Variants in HERC1 observed in about 807,000 individuals in gnomAD.
HERC1 encodes HECT and RLD domain containing E3 ubiquitin protein ligase family member 1, also known as probable E3 ubiquitin-protein ligase HERC1.
HERC1 carries 160 observed loss-of-function variants against 554.3 expected under a neutral mutation model. The observed-to-expected ratio is 0.29, with a 90% confidence interval of 0.25 to 0.33. The LOEUF is 0.33. Among genes scored for constraint, HERC1 ranks in the 10% least tolerant of loss-of-function variants. The pLI is 1.00. For missense variants in HERC1, 4,919 were observed against 5,918.5 expected, an observed-to-expected ratio of 0.83 and a Z score of 5.54; for synonymous variants, 2,175 against 2,131.7, an observed-to-expected ratio of 1.02 and a Z score of -0.56.
chr15:63,757,999 C>T (rs1032695313), intron 4 of HERC1, among the ~76,000 whole-genome samples, 176 bp downstream of exon 4: 10 of 152,108 alleles, frequency 6.6e-5, no homozygotes, highest in African/African-American at 2.2e-4. Context: ...TGAGCCACTG[C>T]GCCCAGCAAA....
chr15:63,755,467 T>C, intron 5 of HERC1, 142 bp from the exon 6 acceptor site: 1 of 690,468 alleles, frequency 1.4e-6, no homozygotes, highest in Admixed American at 2.2e-5. Context: ...GGAGGCTGTG[T>C]TCAGGCCAAG....
At position 63,638,401 on chromosome 15, in the gene HERC1, T is replaced by A. The variant is rs368034502; in HGVS notation, c.12093+10A>T. Reference sequence around the variant, plus strand: ...CATGTTTCTTTTCTATTTTTTATCCTGTTAGTTACCTGTTGGGCCTGTGAG... The same window carrying A: ...CATGTTTCTTTTCTATTTTTTATCCAGTTAGTTACCTGTTGGGCCTGTGAG... On this transcript the variant is annotated intron_variant, in intron 63 of 77. Transcript: ENST00000443617. 1.4e-5 allele frequency: 22 copies of A among 1,607,360 alleles called. No individual in the cohort carries two copies. Among genetic ancestry groups the A allele is most frequent in the Non-Finnish European group, 1.7e-5 (20 of 1,177,824 alleles).
At position 63,729,663 on chromosome 15, in the gene HERC1, C is replaced by A; in HGVS notation, c.2869-14G>T. The stretch of plus-strand genomic sequence containing the variant: ...AAATGCTTGATCCTAAAATGACACA[C>A]AAAGGAAGTTTATATTTGAAGTGCT... On this transcript the variant is annotated splice_polypyrimidine_tract_variant and intron_variant, in intron 14 of 77. Transcript: ENST00000443617. 1 of 1,612,446 alleles carries A rather than the reference C, an allele frequency of 6.2e-7. No homozygotes were observed. The highest frequency in any genetic ancestry group is 2.2e-5 in the East Asian group (1 of 44,852).
chr15:63,694,262 G>C lies in HERC1; in HGVS notation c.5480+50C>G. The C allele has an allele frequency of 6.3e-7, 1 of 1,575,428 alleles. No homozygotes were observed. The highest frequency in any genetic ancestry group is 1.3e-5 in the African/African-American group (1 of 74,150). On this transcript the variant is annotated intron_variant, in intron 29 of 77. Transcript: ENST00000443617. This position sits in a 1 kb window ranked among gnomAD's most constrained non-coding sequence, Gnocchi z 4.3. ...GAGGGAAAGGGGGAATTCTAAAATG[G>C]AGGAAGACCAGACTTCATACAGTTC...
chr15:63,689,554 C>T, intron 33 of HERC1, 35 bp downstream of exon 33: 2 of 1,145,410 alleles, frequency 1.7e-6, no homozygotes, highest in Non-Finnish European at 2.5e-6. Context: ...TTCACTTATG[C>T]TGTTAAGAAA....
chr15:63,795,228 T>C (rs922154314), intron 1 of HERC1, among the ~76,000 whole-genome samples: 1 of 152,082 alleles, frequency 6.6e-6, no homozygotes, highest in Non-Finnish European at 1.5e-5. Context: ...AAAAACTGGG[T>C]CAATTGTCTT....
chr15:63,783,745 G>A (rs1033476049), intron 1 of HERC1, among the ~76,000 whole-genome samples: 1 of 152,132 alleles, frequency 6.6e-6, no homozygotes, highest in Non-Finnish European at 1.5e-5. Context: ...TCTGATAAAA[G>A]CAGTAGACCG....
rs767816509 is a variant in HERC1 at position 63,633,970 on chromosome 15, C to G, written c.12571G>C (p.Val4191Leu). The change falls in exon 67 of 78, where the codon GTG becomes CTG. Residue 4191 changes from valine to leucine, a missense_variant and splice_region_variant. Transcript: ENST00000443617. ...AAAGTGTGGTTTAATCCACAGGCCA[C>G]CTAAAGAAATAACAGCATTCCGTAA... Reference protein sequence around the residue: ...TALEGYQIGQVACGLNHTLAV... With the variant: ...TALEGYQIGQLACGLNHTLAV... 2 of 1,613,810 alleles carry G rather than the reference C, an allele frequency of 1.2e-6. No homozygotes were observed. Among genetic ancestry groups the G allele is most frequent in the Non-Finnish European group, 1.7e-6 (2 of 1,179,798 alleles).
intron 1 of HERC1, among the ~76,000 whole-genome samples, chr15:63,800,887 A>G (rs1401176106): frequency 1.8e-5 from 2 of 113,552 alleles, no homozygotes; most frequent in Non-Finnish European, 3.8e-5. Flanking sequence ...CAGAGAAACC[A>G]ACCAAGTGAT....
chr15:63,819,327 T>C (rs1325500769), intron 1 of HERC1, among the ~76,000 whole-genome samples: 1 of 152,210 alleles, frequency 6.6e-6, no homozygotes. Flanking sequence ...GAATAACATC[T>C]GCCTGCCTGT....
Position 63,756,857 on chromosome 15 carries a change from G to A in HERC1, c.1222-109C>T. Reference sequence around the variant, plus strand: ...AAAGGAAGTCTTTTAGCAGGATACGGCATGATTCTCCAGAGAGATTAAGGA... The same window carrying A: ...AAAGGAAGTCTTTTAGCAGGATACGACATGATTCTCCAGAGAGATTAAGGA... On this transcript the variant is annotated intron_variant, in intron 4 of 77. Coordinates refer to ENST00000443617, the MANE Select transcript of HERC1 (RefSeq NM_003922.4). The surrounding 1 kb of genome is among the most constrained non-coding windows in gnomAD (Gnocchi z 5.0). 1.5e-6 allele frequency: 1 copy of A among 660,638 alleles called. No individual in the cohort carries two copies. The highest frequency in any genetic ancestry group is 2.5e-6 in the Non-Finnish European group (1 of 398,550). The allele number at this position is 660,638 out of a possible 1,614,324, so 40.9% of individuals were successfully genotyped here. A position where few individuals can be genotyped will look rare whatever the true frequency, so the allele number is the denominator to read the frequency against.
chr15:63,666,319 A>C, intron 41 of HERC1, 37 bp downstream of exon 41: 1 of 1,477,234 alleles, frequency 6.8e-7, no homozygotes, highest in Non-Finnish European at 9.4e-7. Flanking sequence ...AGGACTTCTC[A>C]TATCTGTATA....
At chr15:63,794,526 A>C (rs2076753303) in intron 1 of HERC1, among the ~76,000 whole-genome samples, 1 of 152,150 alleles carries the variant, frequency 6.6e-6, no homozygotes, top group Non-Finnish European at 1.5e-5. Context: ...ACCAGCCCCA[A>C]TCCTGAAGCT....
At chr15:63,642,196 A>C (rs969845098) in intron 59 of HERC1, among the ~76,000 whole-genome samples, 1 of 152,238 alleles carries the variant, frequency 6.6e-6, no homozygotes, top group Non-Finnish European at 1.5e-5. Flanking sequence ...ACTGTAGGGA[A>C]TAATGTTATA....
chr15:63,829,870 C>A (rs561693782), intron 1 of HERC1, among the ~76,000 whole-genome samples: 1 of 151,450 alleles, frequency 6.6e-6, no homozygotes, highest in Admixed American at 6.6e-5. Context: ...ACAATTTGAA[C>A]AACAAAATAA....
At chr15:63,691,455 G>A (rs1291637713) in intron 31 of HERC1, among the ~76,000 whole-genome samples, 1 of 151,952 alleles carries the variant, frequency 6.6e-6, no homozygotes, top group Non-Finnish European at 1.5e-5. Flanking sequence ...GACACAGAGA[G>A]CCTCTGTCTC....
chr15:63,653,111 A>G (rs1033067441), intron 51 of HERC1, among the ~76,000 whole-genome samples: 1 of 152,358 alleles, frequency 6.6e-6, no homozygotes, highest in African/African-American at 2.4e-5. Flanking sequence ...TATGTTCTAT[A>G]AAATAAATAA....
rs2070994331 is a variant in HERC1, at chr15:63,672,664, G to A, written c.7877C>T (p.Pro2626Leu). The change falls in exon 39 of 78, where the codon CCT (proline) becomes CTT (leucine). Residue 2626 changes from proline (P) to leucine (L), a missense_variant. Transcript: ENST00000443617. ...AACTGGTGTCTGTGCCTGCTGGGCA[G>A]GGTCACTTTCTTCAGCTTGTTGATC... ...EIDQQAEESD[P>L]AQQAQTPVTT... is the part of the protein sequence containing the mutation. 6.2e-7 allele frequency: 1 copy of A among 1,609,624 alleles called. No individual in the cohort carries two copies. The highest frequency in any genetic ancestry group is 1.7e-4 in the Middle Eastern group (1 of 6,042).
chr15:63,643,299 G>A lies in HERC1; in HGVS notation c.11331+105C>T, dbSNP rs531976280. 335 of 1,007,118 alleles carry A rather than the reference G, an allele frequency of 3.3e-4. 1 individual carries two copies. In the African/African-American group the frequency reaches 4.7e-3, roughly 14 times the overall value. The allele number at this position is 1,007,118 out of a possible 1,614,324, so 62.4% of individuals were successfully genotyped here. ...TGAAAGAAGTTTCCTCAGTATTCAA[G>A]AGATTACTATATAAAATGTTTCTAC... is the stretch of plus-strand genomic sequence containing the variant. On this transcript the variant is annotated intron_variant, in intron 58 of 77. Coordinates refer to ENST00000443617, the MANE Select transcript of HERC1 (RefSeq NM_003922.4).
Sources: gnomAD v4.1 joint callset for allele counts (sites outside exome capture counted in the v4.1 genomes callset) on GRCh38, gnomAD v4.1.1 for gene constraint, Gnocchi (gnomAD v3.1) non-coding constraint, MANE v1.5 for transcripts, NCBI Gene and HGNC (gene_info 2026-07-23, HGNC 2026-07-21) for gene names.